The following LENG8 variants were observed in gnomAD, a reference collection of about 807,000 sequenced individuals.
LENG8 encodes leukocyte receptor cluster member 8.
In LENG8, 28 loss-of-function variants were observed where a neutral mutation model predicts 102.1. That is an observed-to-expected ratio of 0.27 (90% CI 0.20 to 0.38). LENG8 has a LOEUF of 0.38. Ranked by LOEUF, LENG8 falls within the 10% of genes least tolerant of loss-of-function variation. The pLI is 1.00. For synonymous variants in LENG8, 531 were observed against 456.7 expected (o/e 1.16, Z -2.07); for missense variants, 1,022 against 1,113.9 (o/e 0.92, Z 1.17).
chr19:54,460,354 C>T, intron 15 of LENG8: 2 of 1,208,826 alleles, frequency 1.7e-6, no homozygotes. Context: ...CTGCGCCTGG[C>T]TTCCCAGACA....
chr19:54,460,719 G>GCC, intron 15 of LENG8, 47 bp from the exon 16 acceptor site: 18 of 778,914 alleles, frequency 2.3e-5, no homozygotes, highest in Non-Finnish European at 2.5e-5. Flanking sequence ...GCCCTCCCCT[G>GCC]CCCTCCCGCC....
At chr19:54,458,944 C>G in intron 15 of LENG8, 1 of 1,505,570 alleles carries the variant, frequency 6.6e-7, no homozygotes, top group Non-Finnish European at 8.9e-7. Context: ...CAGGACAAGG[C>G]CCAGTCCCAC....
Position 54,456,355 on chromosome 19 carries a change from C to G in LENG8, c.1335C>G (p.Tyr445Ter). The G allele has an allele frequency of 6.2e-7, 1 of 1,613,694 alleles. No individual in the cohort carries two copies. Among genetic ancestry groups the G allele is most frequent in the Non-Finnish European group, 8.5e-7 (1 of 1,180,002 alleles). ...CCCACTCAGACTCCGACAGCTCCTA[C>G]TCAGGGAATGAGTGTCACCCTGTGG... is the stretch of plus-strand genomic sequence containing the variant. Reference protein sequence around the residue: ...SDSHSDSDSSYSGNECHPVGR... With the variant: ...SDSHSDSDSS The change falls in exon 10 of 16, where the codon TAC becomes TAG. Residue 445 changes from tyrosine to a stop codon, truncating the protein, a stop_gained. Coordinates refer to ENST00000326764, the MANE Select transcript of LENG8 (RefSeq NM_052925.4). LOFTEE classifies it high-confidence loss of function.
intron 8 of LENG8, 91 bp from the exon 9 acceptor site, chr19:54,455,876 G>C (rs183913872): frequency 5.7e-6 from 8 of 1,392,262 alleles, no homozygotes; most frequent in Middle Eastern, 1.9e-4. Context: ...CTTTCCTTTC[G>C]GAGGCGGGTC....
intron 8 of LENG8, 123 bp from the exon 9 acceptor site, chr19:54,455,841 TAGC>T (rs1028088235): frequency 1.9e-5 from 20 of 1,052,572 alleles, no homozygotes; most frequent in Non-Finnish European, 1.8e-5. Flanking sequence ...TGCACTGTAG[TAGC>T]TGAGCCGCCT....
chr19:54,459,262 T>C, intron 15 of LENG8: 6 of 1,034,518 alleles, frequency 5.8e-6, no homozygotes, highest in Non-Finnish European at 7.0e-6. Flanking sequence ...GCCACTGCCA[T>C]TGGGCCTCAG....
In LENG8 at chr19:54,461,096, A is replaced by T; in HGVS notation, c.*168A>T. The T allele has an allele frequency of 9.6e-7, 1 of 1,046,104 alleles. No individual in the cohort carries two copies. Among genetic ancestry groups the T allele is most frequent in the Admixed American group, 2.2e-5 (1 of 46,384 alleles). 64.8% of individuals were successfully genotyped at this position (1,046,104 alleles called of 1,614,324 possible). On this transcript the variant is annotated 3_prime_UTR_variant, in exon 16 of 16. Coordinates refer to ENST00000326764, the MANE Select transcript of LENG8 (RefSeq NM_052925.4). ...TTCCCACCGGGGAGTCTGTACAGAG[A>T]TTTTTCTACGTTTTTATTTTTTGCC...
chr19:54,452,149 C>T lies in LENG8; in HGVS notation c.95C>T (p.Pro32Leu), dbSNP rs199812836. The change falls in exon 3 of 16, where the codon CCG becomes CTG. Residue 32 changes from proline (P) to leucine (L), a missense_variant. Physicochemically the swap from Pro to Leu is moderately conservative, Grantham distance 98. Coordinates refer to ENST00000326764, the MANE Select transcript of LENG8 (RefSeq NM_052925.4). The part of the protein sequence containing the change: ...GAGRENGMET[P>L]MHENPEWEKA... ...GGCCGAGAGAATGGCATGGAGACGC[C>T]GATGCACGAGAACCCGGAGTGGGAG... 14 of 1,614,080 alleles carry T rather than the reference C, an allele frequency of 8.7e-6. No homozygotes were observed. The South Asian group carries it at 9.9e-5, about 11-fold the overall frequency.
intron 15 of LENG8, 78 bp downstream of exon 15, chr19:54,458,599 G>T: frequency 6.3e-7 from 1 of 1,592,054 alleles, no homozygotes; most frequent in South Asian, 1.1e-5. Context: ...CCAGCTCCTG[G>T]CCGCAGGCCT....
At chr19:54,454,929 A>G (rs759883472) in intron 6 of LENG8, 22 bp from the exon 7 acceptor site, 3 of 1,613,916 alleles carry the variant, frequency 1.9e-6, no homozygotes, top group Admixed American at 1.7e-5. Flanking sequence ...GGGCCTAACC[A>G]TAGCTTTCGC....
rs1160714159 is a variant in LENG8 at position 54,461,611 on chromosome 19, GTTTC to G, written c.*686_*689del. 4.2e-6 allele frequency: 2 copies of G among 473,648 alleles called. No homozygotes were observed. The allele number at this position is 473,648 out of a possible 1,614,324, so 29.3% of individuals were successfully genotyped here. A position where few individuals can be genotyped will look rare whatever the true frequency, so the allele number is the denominator to read the frequency against. ...GTCCCCTCCTCCCTCTGCCCCCAGT[GTTTC>G]TTCTGATTTTTTTTTCCCCTTTCCC... On this transcript the variant is annotated 3_prime_UTR_variant, in exon 16 of 16. Transcript: ENST00000326764.
At chr19:54,460,593 C>T (rs867959708) in intron 15 of LENG8, 173 bp from the exon 16 acceptor site, 42 of 1,413,462 alleles carry the variant, frequency 3.0e-5, no homozygotes, top group Non-Finnish European at 3.4e-5. Flanking sequence ...TAACCCCCCC[C>T]GGGCCCCCCC....
At chr19:54,459,201 G>A (rs2084408251) in intron 15 of LENG8, 2 of 1,129,152 alleles carry the variant, frequency 1.8e-6, no homozygotes. Flanking sequence ...GCTTGTCACA[G>A]CAAGGGGATG....
rs746818499 is a variant in LENG8 at position 54,452,729 on chromosome 19, C to G, written c.292C>G (p.Pro98Ala). The G allele has an allele frequency of 1.2e-6, 2 of 1,613,364 alleles. No homozygotes were observed. The highest frequency in any genetic ancestry group is 1.7e-6 in the Non-Finnish European group (2 of 1,179,392). Residue 98 changes from proline to alanine, a missense_variant, in exon 4 of 16, where the codon CCC becomes GCC. Transcript: ENST00000326764. ...QWYQQYNYAY[P>A]YSYYYPMSMY... ...GTACCAGCAGTACAACTATGCCTAC[C>G]CCTACAGCTACTACTATCCCATGGT...
In LENG8 at chr19:54,461,006, A is replaced by G; in HGVS notation, c.*78A>G. The G allele has an allele frequency of 6.5e-7, 1 of 1,530,528 alleles. No homozygotes were observed. Among genetic ancestry groups the G allele is most frequent in the Non-Finnish European group, 8.7e-7 (1 of 1,144,344 alleles). The allele number at this position is 1,530,528 out of a possible 1,614,324, so 94.8% of individuals were successfully genotyped here. A position where few individuals can be genotyped will look rare whatever the true frequency, so the allele number is the denominator to read the frequency against. ...TGCGGATTCTGTTTTTGAGCCGTGG[A>G]CTTGGGTTGTAAATTTATTTGTGGG... On this transcript the variant is annotated 3_prime_UTR_variant, in exon 16 of 16. Transcript: ENST00000326764.
chr19:54,454,557 C>T lies in LENG8; in HGVS notation c.554C>T (p.Pro185Leu), dbSNP rs762852700. ...GAHTLNSGPQ[P>L]GTAPATQHSQ... ...CACACGCTGAACAGTGGCCCTCAGC[C>T]TGGGACAGCTCCAGCCACACAGCAC... Residue 185 changes from proline to leucine, a missense_variant, in exon 6 of 16, where the codon CCT becomes CTT. Physicochemically the swap from Pro to Leu is moderately conservative, Grantham distance 98. Coordinates refer to ENST00000326764, the MANE Select transcript of LENG8 (RefSeq NM_052925.4). 3.7e-6 allele frequency: 6 copies of T among 1,612,702 alleles called. No homozygotes were observed. The East Asian group carries it at 1.3e-4, about 36-fold the overall frequency.
chr19:54,456,595 G>T, intron 10 of LENG8, 41 bp from the exon 11 acceptor site: 4 of 1,571,216 alleles, frequency 2.5e-6, no homozygotes, highest in Non-Finnish European at 3.5e-6. Flanking sequence ...AAGGGGGGCT[G>T]GAGACGCCTG....
At chr19:54,451,802 A>G (rs925215583) in intron 2 of LENG8, among the ~76,000 whole-genome samples, 152,280 of 152,288 alleles carry the variant, frequency 1, 76,136 homozygotes, top group Middle Eastern at 1. Context: ...GGAGGTGCCA[A>G]GGCCTGTGTT....
chr19:54,453,556 A>G lies in LENG8; in HGVS notation c.326A>G (p.Gln109Arg). 5 of 1,613,654 alleles carry G rather than the reference A, an allele frequency of 3.1e-6. No individual in the cohort carries two copies. The highest frequency in any genetic ancestry group is 4.2e-6 in the Non-Finnish European group (5 of 1,179,618). The change falls in exon 5 of 16, where the codon CAG (glutamine) becomes CGG (arginine). Residue 109 changes from glutamine (Q) to arginine (R), a missense_variant. Transcript: ENST00000326764. ...YSYYYPMSMY[Q>R]SYGSPSQYGM... is the part of the protein sequence containing the mutation. Reference sequence around the variant, plus strand: ...CCTGCGCCTTTGCAGAGCATGTACCAGAGCTATGGCTCCCCTTCCCAGTAT... The same window carrying G: ...CCTGCGCCTTTGCAGAGCATGTACCGGAGCTATGGCTCCCCTTCCCAGTAT...
Sources: allele counts gnomAD v4.1 joint callset (sites outside exome capture counted in the v4.1 genomes callset), GRCh38; gene constraint gnomAD v4.1.1; transcripts MANE v1.5; gene names NCBI Gene and HGNC (gene_info 2026-07-23, HGNC 2026-07-21).